The following ANTXR2 variants were observed in gnomAD, a reference collection of about 807,000 sequenced individuals.
ANTXR2 encodes anthrax toxin receptor 2.
In ANTXR2, 44 loss-of-function variants were observed where a neutral mutation model predicts 73.7. The observed-to-expected ratio is 0.60, with a 90% CI of 0.47 to 0.77. The LOEUF (loss-of-function observed/expected upper bound fraction) is 0.77. Among genes scored for constraint, ANTXR2 ranks in the 30% least tolerant of loss-of-function variants. ANTXR2 has a pLI of 0.00. For missense variants in ANTXR2, 604 were observed against 592.5 expected (o/e 1.02, Z -0.20); for synonymous variants, 217 against 205.9 (o/e 1.05, Z -0.46).
chr4:79,990,401 A>AAAC (rs1730412780), intron 12 of ANTXR2, among the ~76,000 whole-genome samples: 1 of 151,052 alleles, frequency 6.6e-6, no homozygotes, highest in African/African-American at 2.4e-5. Context: ...AAAAAAAAAA[A>AAAC]ACACCTTGTA....
At chr4:79,976,582 G>A (rs1355936160) in intron 16 of ANTXR2, among the ~76,000 whole-genome samples, 1 of 152,176 alleles carries the variant, frequency 6.6e-6, no homozygotes. Context: ...AATTAAAAGT[G>A]GGTATCAATA....
chr4:79,934,565 T>G (rs2109965599), intron 16 of ANTXR2, among the ~76,000 whole-genome samples: 1 of 151,398 alleles, frequency 6.6e-6, no homozygotes, highest in Non-Finnish European at 1.5e-5. Flanking sequence ...ACACCAAACC[T>G]ATCATTTAAG....
intron 16 of ANTXR2, chr4:79,964,915 C>G (rs1729300744): frequency 1.3e-5 from 2 of 152,250 alleles, no homozygotes; most frequent in Admixed American, 6.5e-5. Flanking sequence ...GCGTGCGGCC[C>G]GCGGACCCCG....
chr4:80,063,930 T>C (rs1051601002), intron 3 of ANTXR2, among the ~76,000 whole-genome samples: 2 of 152,178 alleles, frequency 1.3e-5, no homozygotes, highest in Non-Finnish European at 2.9e-5. Flanking sequence ...CAGTAGGACA[T>C]AGTCCCAAAA....
intron 16 of ANTXR2, among the ~76,000 whole-genome samples, chr4:79,975,951 C>T (rs1729610759): frequency 7.2e-6 from 1 of 139,664 alleles, no homozygotes; most frequent in Admixed American, 8.0e-5. Flanking sequence ...CTCTCTCTGT[C>T]GCCCAGGCTG....
intron 12 of ANTXR2, among the ~76,000 whole-genome samples, chr4:79,999,847 G>C (rs4254709): frequency 0.56 from 84,354 of 151,654 alleles, 26,163 homozygotes; most frequent in East Asian, 0.94. Flanking sequence ...CCCTTAAGCC[G>C]AGGAGTTCTA....
intron 16 of ANTXR2, among the ~76,000 whole-genome samples, chr4:79,909,856 G>C (rs1578073797): frequency 6.6e-6 from 1 of 152,294 alleles, no homozygotes; most frequent in African/African-American, 2.4e-5. Flanking sequence ...CTGTTCAAGA[G>C]TCACTGTTAA....
At chr4:80,013,798 A>C (rs951205730) in intron 11 of ANTXR2, among the ~76,000 whole-genome samples, 1 of 151,282 alleles carries the variant, frequency 6.6e-6, no homozygotes, top group African/African-American at 2.4e-5. Flanking sequence ...TCACTACCAC[A>C]GGCAACAGGA....
At chr4:79,928,814 C>A (rs927358174) in intron 16 of ANTXR2, among the ~76,000 whole-genome samples, 2 of 151,990 alleles carry the variant, frequency 1.3e-5, no homozygotes, top group African/African-American at 4.8e-5. Context: ...CTAACAAAAC[C>A]AATTAGGGCA....
At chr4:80,019,987 GA>G (rs1374015475) in intron 10 of ANTXR2, among the ~76,000 whole-genome samples, 11 of 151,870 alleles carry the variant, frequency 7.2e-5, no homozygotes, top group African/African-American at 2.7e-4. Flanking sequence ...TATCAAAAGG[GA>G]AAAAAATGAC....
At chr4:80,065,536 A>T (rs1734457251) in intron 3 of ANTXR2, among the ~76,000 whole-genome samples, 1 of 152,244 alleles carries the variant, frequency 6.6e-6, no homozygotes, top group South Asian at 2.1e-4. Flanking sequence ...TCATGAGAGC[A>T]AGAGAAAAGA....
chr4:80,071,663 T>C lies in ANTXR2; in HGVS notation c.153-9A>G. ...TTGCCACACTCCCAGACCTGAAAGA[T>C]GAAATTGAACTGATCAGAGAAACAA... On this transcript the variant is annotated splice_polypyrimidine_tract_variant and intron_variant, in intron 1 of 16. Transcript: ENST00000403729. 1 of 1,605,710 alleles carries C rather than the reference T, an allele frequency of 6.2e-7. No homozygotes were observed. The highest frequency in any genetic ancestry group is 8.5e-7 in the Non-Finnish European group (1 of 1,172,606).
intron 16 of ANTXR2, among the ~76,000 whole-genome samples, chr4:79,908,570 T>C (rs1489020364): frequency 6.6e-6 from 1 of 152,220 alleles, no homozygotes; most frequent in Non-Finnish European, 1.5e-5. Context: ...GCTAGGAGTT[T>C]CCATTAGTTT....
At chr4:79,981,614 G>A (rs548500275) in intron 14 of ANTXR2, among the ~76,000 whole-genome samples, 6 of 152,032 alleles carry the variant, frequency 3.9e-5, no homozygotes, top group Non-Finnish European at 8.8e-5. Context: ...ATCATATTAA[G>A]TATGTGCAAA....
chr4:79,927,718 G>A (rs1462947708), intron 16 of ANTXR2, among the ~76,000 whole-genome samples: 1 of 151,998 alleles, frequency 6.6e-6, no homozygotes, highest in Non-Finnish European at 1.5e-5. Flanking sequence ...TTAAATATAT[G>A]CAATAAAATA....
chr4:79,945,610 T>G (rs752392882), intron 16 of ANTXR2, among the ~76,000 whole-genome samples: 1 of 152,162 alleles, frequency 6.6e-6, no homozygotes, highest in Non-Finnish European at 1.5e-5. Flanking sequence ...CCAAAATACA[T>G]AGCTTTTGTT....
chr4:80,024,642 G>A (rs1732337365), intron 10 of ANTXR2: 2 of 434,562 alleles, frequency 4.6e-6, no homozygotes, highest in South Asian at 3.3e-5. Context: ...CATGCCTGTA[G>A]CCCCAGCTAC....
chr4:79,911,043 C>T (rs1385102754), intron 16 of ANTXR2, among the ~76,000 whole-genome samples: 1 of 152,210 alleles, frequency 6.6e-6, no homozygotes, highest in Non-Finnish European at 1.5e-5. Flanking sequence ...CGTCCTTCAA[C>T]TATACCTAAT....
rs368740456 is a variant in ANTXR2, at chr4:80,033,496, T to G, written c.772A>C (p.Thr258Pro). 4 of 1,600,136 alleles carry G rather than the reference T, an allele frequency of 2.5e-6. No individual in the cohort carries two copies. In the South Asian group the frequency reaches 4.6e-5, roughly 18 times the overall value. ...CTCGTTGTATATGTTTCATTTACAGTGTAAGTGCAGAGAACACTGCCATTC... is the reference window on the plus strand; with the variant it reads ...CTCGTTGTATATGTTTCATTTACAGGGTAAGTGCAGAGAACACTGCCATTC... ...SRNGSVLCTY[T>P]VNETYTTSVK... Residue 258 changes from threonine (T) to proline (P), a missense_variant, in exon 9 of 17, where the codon ACT becomes CCT. Transcript: ENST00000403729.
Sources: gnomAD v4.1 joint callset for allele counts (sites outside exome capture counted in the v4.1 genomes callset) on GRCh38, gnomAD v4.1.1 for gene constraint, MANE v1.5 for transcripts, NCBI Gene and HGNC (gene_info 2026-07-23, HGNC 2026-07-21) for gene names.